The following MRTFB variants were observed in gnomAD, a reference collection of about 807,000 sequenced individuals.
MRTFB encodes the protein myocardin-related transcription factor B.
In MRTFB, 29 loss-of-function variants were observed where a neutral mutation model predicts 104.2. That is an observed-to-expected ratio of 0.28 (90% confidence interval 0.21 to 0.38). The LOEUF (loss-of-function observed/expected upper bound fraction) is 0.38, where lower values mean the gene tolerates loss of function less well. Among genes scored for constraint, MRTFB ranks in the 10% least tolerant of loss-of-function variants. MRTFB has a pLI of 1.00. For missense variants in MRTFB, 1,270 were observed against 1,341.6 expected, an observed-to-expected ratio of 0.95 and a Z score of 0.83; for synonymous variants, 535 against 519.5, an observed-to-expected ratio of 1.03 and a Z score of -0.41.
the MRTFB span, among the ~76,000 whole-genome samples, chr16:14,010,703 G>A: frequency 1.3e-5 from 2 of 152,218 alleles, no homozygotes; most frequent in Non-Finnish European, 2.9e-5. Flanking sequence ...TGGGATTATA[G>A]GCATGAGCCA....
At chr16:14,056,792 C>T in the MRTFB span, among the ~76,000 whole-genome samples, 1 of 152,160 alleles carries the variant, frequency 6.6e-6, no homozygotes, top group South Asian at 2.1e-4. Flanking sequence ...ATCTATCTAT[C>T]CATCCATCTG....
intron 2 of MRTFB, among the ~76,000 whole-genome samples, chr16:14,131,956 A>G (rs2037462639): frequency 6.6e-6 from 1 of 152,182 alleles, no homozygotes; most frequent in Non-Finnish European, 1.5e-5. Flanking sequence ...TGGAAAAAAT[A>G]TATACACACA....
At position 14,240,408 on chromosome 16, in the gene MRTFB, C is replaced by T; in HGVS notation, c.1003C>T (p.Leu335=). The T allele has an allele frequency of 6.2e-7, 1 of 1,614,226 alleles. No individual in the cohort carries two copies. Among genetic ancestry groups the T allele is most frequent in the South Asian group, 1.1e-5 (1 of 91,088 alleles). The change falls in exon 10 of 17, where the codon CTG becomes TTG. Residue 335 remains leucine (L), a synonymous_variant. Transcript: ENST00000571589. The part of the protein sequence containing the change: ...NYARLLQQQQ[L]FLQLQILSQQ... ...CGCCCGCCTGCTCCAGCAGCAGCAGCTGTTCCTGCAACTGCAGATCCTGAG... is the reference window on the plus strand; with the variant it reads ...CGCCCGCCTGCTCCAGCAGCAGCAGTTGTTCCTGCAACTGCAGATCCTGAG...
chr16:14,233,749 C>T (rs2042368870), intron 8 of MRTFB, among the ~76,000 whole-genome samples: 1 of 143,562 alleles, frequency 7.0e-6, no homozygotes, highest in South Asian at 2.2e-4. Context: ...AAGATCACCC[C>T]ACTGCATTCC....
intron 2 of MRTFB, among the ~76,000 whole-genome samples, chr16:14,093,712 G>C (rs1246337712): frequency 1.3e-5 from 2 of 152,178 alleles, no homozygotes; most frequent in Non-Finnish European, 2.9e-5. Flanking sequence ...GTGACTCAAA[G>C]ACTGGGAAAG....
chr16:14,083,154 AGTTC>A (rs1472831616), intron 2 of MRTFB, among the ~76,000 whole-genome samples: 1 of 151,254 alleles, frequency 6.6e-6, no homozygotes, highest in Non-Finnish European at 1.5e-5. Context: ...TTTTTCAGAT[AGTTC>A]GTTGTTAGTA....
intron 2 of MRTFB, among the ~76,000 whole-genome samples, chr16:14,132,225 CAAATCCATA>C (rs939232033): frequency 2.0e-5 from 3 of 151,814 alleles, no homozygotes; most frequent in Non-Finnish European, 4.4e-5. Flanking sequence ...CTGGGACAGA[CAAATCCATA>C]GAGACAGAAA....
At chr16:14,116,233 G>T (rs770797992) in intron 2 of MRTFB, among the ~76,000 whole-genome samples, 18 of 151,148 alleles carry the variant, frequency 1.2e-4, no homozygotes, top group Non-Finnish European at 2.4e-4. Flanking sequence ...TGTACCTTCT[G>T]TCTGAAATAG....
chr16:14,096,736 A>ATGT (rs2035395974), intron 2 of MRTFB, among the ~76,000 whole-genome samples: 1 of 152,220 alleles, frequency 6.6e-6, no homozygotes, highest in South Asian at 2.1e-4. Context: ...ATGGTACAGA[A>ATGT]TGTTGTCTTT....
the MRTFB span, among the ~76,000 whole-genome samples, chr16:14,058,644 G>C: frequency 2.0e-5 from 3 of 148,906 alleles, no homozygotes; most frequent in African/African-American, 7.5e-5. Flanking sequence ...ATTCTTCTGT[G>C]TGGTCTTACT....
At chr16:14,162,231 G>T (rs1470032954) in intron 3 of MRTFB, among the ~76,000 whole-genome samples, 2 of 151,988 alleles carry the variant, frequency 1.3e-5, no homozygotes, top group African/African-American at 2.4e-5. Flanking sequence ...CTGTTCAGGA[G>T]GCTGATGCCA....
At chr16:14,238,916 T>C (rs1369343996) in intron 9 of MRTFB, among the ~76,000 whole-genome samples, 1 of 152,238 alleles carries the variant, frequency 6.6e-6, no homozygotes, top group Non-Finnish European at 1.5e-5. Flanking sequence ...AAATGTTTAA[T>C]AACTGGCTGG....
intron 3 of MRTFB, among the ~76,000 whole-genome samples, chr16:14,165,387 T>C (rs571943983): frequency 1.3e-3 from 194 of 152,292 alleles, no homozygotes; most frequent in African/African-American, 4.4e-3. Context: ...TTCTGATGTA[T>C]GTATTTAGGC....
chr16:14,209,892 C>T (rs1428218740), intron 3 of MRTFB, among the ~76,000 whole-genome samples: 1 of 152,112 alleles, frequency 6.6e-6, no homozygotes, highest in Non-Finnish European at 1.5e-5. Flanking sequence ...CAAAGAATTT[C>T]ACGTCTCTTA....
Position 14,079,275 on chromosome 16 carries a change from C to A in MRTFB, c.-128-15C>A. The A allele has an allele frequency of 2.8e-6, 1 of 351,182 alleles. No homozygotes were observed. Among genetic ancestry groups the A allele is most frequent in the Non-Finnish European group, 5.2e-6 (1 of 192,904 alleles). The allele number at this position is 351,182 out of a possible 1,614,324, so 21.8% of individuals were successfully genotyped here. A position where few individuals can be genotyped will look rare whatever the true frequency, so the allele number is the denominator to read the frequency against. On this transcript the variant is annotated splice_polypyrimidine_tract_variant and intron_variant, in intron 1 of 16. Coordinates refer to ENST00000571589, the MANE Select transcript of MRTFB (RefSeq NM_001308142.2). Reference sequence around the variant, plus strand: ...GGTGCTCAATAAAAAGTAATTTCTGCCTTTTTTTTTCCAGGTTCACAATAA... The same window carrying A: ...GGTGCTCAATAAAAAGTAATTTCTGACTTTTTTTTTCCAGGTTCACAATAA...
rs1478840807 is a variant in MRTFB, at chr16:14,249,206, C to T, written c.2403+125C>T. On this transcript the variant is annotated intron_variant, in intron 13 of 16. Coordinates refer to ENST00000571589, the MANE Select transcript of MRTFB (RefSeq NM_001308142.2). ...TTCATTCTTTTCTGTGATCCATCTC[C>T]CATAGAATGAGCCTTAGGTCAGATG... The T allele has an allele frequency of 5.2e-6, 6 of 1,150,316 alleles. No individual in the cohort carries two copies. The South Asian group carries it at 6.4e-5, about 12-fold the overall frequency. The allele number at this position is 1,150,316 out of a possible 1,614,324, so 71.3% of individuals were successfully genotyped here.
chr16:14,161,002 C>G (rs973743320), intron 3 of MRTFB, among the ~76,000 whole-genome samples: 1 of 150,032 alleles, frequency 6.7e-6, no homozygotes, highest in Non-Finnish European at 1.5e-5. Context: ...ATTTAGGAAC[C>G]AAGATCTGAG....
chr16:14,191,651 C>G (rs2040190009), intron 3 of MRTFB, among the ~76,000 whole-genome samples: 1 of 152,170 alleles, frequency 6.6e-6, no homozygotes, highest in Non-Finnish European at 1.5e-5. Flanking sequence ...ATACCCTTCT[C>G]TGCCTTCTTA....
intron 3 of MRTFB, among the ~76,000 whole-genome samples, chr16:14,158,973 T>TAAAA (rs397854767): frequency 8.3e-6 from 1 of 119,910 alleles, no homozygotes; most frequent in Admixed American, 8.4e-5. Flanking sequence ...TCATAAAGAT[T>TAAAA]AAAAAAAAAA....
Sources: allele counts gnomAD v4.1 joint callset (sites outside exome capture counted in the v4.1 genomes callset), GRCh38; gene constraint gnomAD v4.1.1; transcripts MANE v1.5; gene names NCBI Gene and HGNC (gene_info 2026-07-23, HGNC 2026-07-21).